Variants in CHRNA4 observed in about 807,000 individuals in gnomAD.
The protein encoded by CHRNA4 is cholinergic receptor nicotinic alpha 4 subunit, also known as neuronal acetylcholine receptor subunit alpha-4.
CHRNA4 carries 28 observed loss-of-function variants against 48.9 expected under a neutral mutation model. The ratio of observed to expected loss-of-function variants is 0.57; its 90% CI spans 0.42 to 0.79. CHRNA4 has a LOEUF of 0.79. Ranked by LOEUF, CHRNA4 falls within the 30% of genes least tolerant of loss-of-function variation. The pLI is 0.00. For missense variants in CHRNA4, 859 were observed against 898.4 expected (o/e 0.96, Z 0.56); for synonymous variants, 425 against 402.3 (o/e 1.06, Z -0.68).
In CHRNA4 at chr20:63,349,996, G is replaced by A. The variant is rs534477048; in HGVS notation, c.1415C>T (p.Ser472Phe). ...KARSLSVQHM[S>F]SPGEAVEGGV... ...GCCTTCCACCGCTTCGCCAGGGCTG[G>A]ACATGTGCTGGACGCTGAGGGACCT... Residue 472 changes from serine to phenylalanine, a missense_variant, in exon 5 of 6, where the codon TCC becomes TTC. Around this residue, in one of 3 missense-constraint regions of CHRNA4, gnomAD observed 478 missense variants for 455.4 expected, o/e 1.05. Transcript: ENST00000370263. 53 of 1,547,050 alleles carry A rather than the reference G, an allele frequency of 3.4e-5. No individual in the cohort carries two copies. In the African/African-American group the frequency reaches 7.2e-4, roughly 21 times the overall value.
At chr20:63,355,471 T>C in intron 4 of CHRNA4, 1 of 1,259,030 alleles carries the variant, frequency 7.9e-7, no homozygotes, top group Non-Finnish European at 1.0e-6. Context: ...CCTAGTGGCA[T>C]GAGAACCATC....
intron 4 of CHRNA4, 31 bp downstream of exon 4, chr20:63,355,944 G>T (rs771963046): frequency 1.2e-6 from 2 of 1,608,936 alleles, no homozygotes; most frequent in South Asian, 2.2e-5. Flanking sequence ...CCAAGGCCCT[G>T]TAGAGGACTC....
intron 4 of CHRNA4, chr20:63,355,718 G>A (rs1053405214): frequency 1.4e-5 from 12 of 831,622 alleles, no homozygotes; most frequent in Admixed American, 1.1e-4. Flanking sequence ...CGGCTCTGAC[G>A]CTCCAGTGCT....
chr20:63,356,992 C>CGACCACATTGCCATG (rs1568817439), intron 2 of CHRNA4, among the ~76,000 whole-genome samples: 3 of 143,866 alleles, frequency 2.1e-5, no homozygotes, highest in Non-Finnish European at 3.0e-5. Context: ...ACGTCCCCAC[C>CGACCACATTGCCATG]GACCACATCT....
At chr20:63,355,295 C>G (rs2068700179) in intron 4 of CHRNA4, 1 of 355,524 alleles carries the variant, frequency 2.8e-6, no homozygotes, top group African/African-American at 2.1e-5. Context: ...CGTGGCAACG[C>G]TGCCCTGGCT....
intron 4 of CHRNA4, among the ~76,000 whole-genome samples, chr20:63,353,713 G>A (rs1271502960): frequency 1.6e-5 from 1 of 61,040 alleles, no homozygotes; most frequent in African/African-American, 6.4e-5. Flanking sequence ...GGGGGGCTGC[G>A]GTCCTGGGGG....
rs781305602 is a variant in CHRNA4 at position 63,355,972 on chromosome 20, CACTT to C, written c.382_383+2del. The C allele has an allele frequency of 6.2e-7, 1 of 1,611,752 alleles. No homozygotes were observed. Among genetic ancestry groups the C allele is most frequent in the Non-Finnish European group, 8.5e-7 (1 of 1,179,538 alleles). ...GAGGACTCACTTGTTGTAGAGGACT[CACTT>C]GTTGTAGAGGACGATGTCCGGCCGC... On this transcript the variant is annotated splice_donor_variant and coding_sequence_variant, in exon 4 of 6. Coordinates refer to ENST00000370263, the MANE Select transcript of CHRNA4 (RefSeq NM_000744.7). LOFTEE classifies it high-confidence loss of function.
intron 1 of CHRNA4, chr20:63,360,280 T>C: frequency 6.1e-6 from 1 of 164,190 alleles, no homozygotes; most frequent in Non-Finnish European, 1.3e-5. Flanking sequence ...CTACGGAACC[T>C]CCCCTGGTTC....
Position 63,345,500 on chromosome 20 carries a change from C to T in CHRNA4, c.*1238G>A. On this transcript the variant is annotated 3_prime_UTR_variant, in exon 6 of 6. Coordinates refer to ENST00000370263, the MANE Select transcript of CHRNA4 (RefSeq NM_000744.7). This position sits in a 1 kb window ranked among gnomAD's most constrained non-coding sequence, Gnocchi z 5.4. The stretch of plus-strand genomic sequence containing the variant: ...CATCTTTAGGGGGTGCACTGCCGGG[C>T]TCCAGGGTCATGCCTGGAAACATTT... 2.5e-6 allele frequency: 1 copy of T among 397,620 alleles called. No individual in the cohort carries two copies. Among genetic ancestry groups the T allele is most frequent in the Non-Finnish European group, 5.2e-6 (1 of 193,420 alleles). The allele number at this position is 397,620 out of a possible 1,614,324, so 24.6% of individuals were successfully genotyped here.
Position 63,356,019 on chromosome 20 carries a change from G to A in CHRNA4, c.339C>T (p.Ile113=). Residue 113 remains isoleucine (I), a synonymous_variant, in exon 4 of 6, where the codon ATC becomes ATT. Coordinates refer to ENST00000370263, the MANE Select transcript of CHRNA4 (RefSeq NM_000744.7). The stretch of plus-strand genomic sequence containing the variant: ...CCGGCCGCCAGATGAGCTCGGAGGG[G>A]ATGCGGATGGAGGTGACATTCTCAT... ...ADYENVTSIR[I]PSELIWRPDI... 6.2e-7 allele frequency: 1 copy of A among 1,610,776 alleles called. No homozygotes were observed. Among genetic ancestry groups the A allele is most frequent in the Non-Finnish European group, 8.5e-7 (1 of 1,179,402 alleles).
In CHRNA4 at chr20:63,343,229, C is replaced by T. The variant is rs865960119; in HGVS notation, c.*3509G>A. ...ATGCAAAGCACGGCACACGTGGTGA[C>T]GGTGCGTTTTATTCATTGAAGTCTG... is the stretch of plus-strand genomic sequence containing the variant. On this transcript the variant is annotated 3_prime_UTR_variant, in exon 6 of 6. Transcript: ENST00000370263. 2.8e-5 allele frequency: 11 copies of T among 388,492 alleles called. No homozygotes were observed. The highest frequency in any genetic ancestry group is 9.2e-5 in the South Asian group (5 of 54,110). The allele number at this position is 388,492 out of a possible 1,614,324, so 24.1% of individuals were successfully genotyped here.
At chr20:63,354,926 C>T (rs549178892) in intron 4 of CHRNA4, among the ~76,000 whole-genome samples, 7 of 152,278 alleles carry the variant, frequency 4.6e-5, no homozygotes, top group East Asian at 1.9e-4. Context: ...AAGCGTCCGG[C>T]CCTCCCACTG....
At chr20:63,355,750 C>A in intron 4 of CHRNA4, 1 of 801,180 alleles carries the variant, frequency 1.2e-6, no homozygotes, top group Non-Finnish European at 2.0e-6. Context: ...ATGCCCTCAG[C>A]CTCTTTGCTG....
In CHRNA4 at chr20:63,343,286, G is replaced by A. The variant is rs1209099646; in HGVS notation, c.*3452C>T. On this transcript the variant is annotated 3_prime_UTR_variant, in exon 6 of 6. Coordinates refer to ENST00000370263, the MANE Select transcript of CHRNA4 (RefSeq NM_000744.7). Reference sequence around the variant, plus strand: ...CACTGGGAGCACATTCCAGGGCTTGGCAGACATTGCCTGCAGAAGCCGGGC... The same window carrying A: ...CACTGGGAGCACATTCCAGGGCTTGACAGACATTGCCTGCAGAAGCCGGGC... 6.8e-6 allele frequency: 3 copies of A among 444,032 alleles called. No individual in the cohort carries two copies. The highest frequency in any genetic ancestry group is 1.4e-5 in the Non-Finnish European group (3 of 219,188). The allele number at this position is 444,032 out of a possible 1,614,324, so 27.5% of individuals were successfully genotyped here.
rs2068454732 is a variant in CHRNA4, at chr20:63,344,483, T to C, written c.*2255A>G. 1 of 447,130 alleles carries C rather than the reference T, an allele frequency of 2.2e-6. No homozygotes were observed. The highest frequency in any genetic ancestry group is 4.5e-6 in the Non-Finnish European group (1 of 224,616). 27.7% of individuals were successfully genotyped at this position (447,130 alleles called of 1,614,324 possible). On this transcript the variant is annotated 3_prime_UTR_variant, in exon 6 of 6. Transcript: ENST00000370263. The surrounding 1 kb of genome is among the most constrained non-coding windows in gnomAD (Gnocchi z 4.5). ...AATATGGTGCTTTATTTGGATTTTT[T>C]TTTTGAGCCTCAAAAAAAAAAAGAA...
At chr20:63,355,407 G>T (rs2068701354) in intron 4 of CHRNA4, 4 of 811,490 alleles carry the variant, frequency 4.9e-6, no homozygotes, top group Non-Finnish European at 5.4e-6. Flanking sequence ...GTTTGCTGGG[G>T]ACCTGGCGTG....
intron 1 of CHRNA4, chr20:63,359,911 G>GTGCCGGGCGTGCGCGTGCCGGGCGTGCGC: frequency 1.9e-6 from 1 of 518,634 alleles, no homozygotes; most frequent in Non-Finnish European, 3.5e-6. Context: ...GTGTGTGTGT[G>GTGCCGGGCGTGCGCGTGCCGGGCGTGCGC]TGTGTGTGTG....
At position 63,346,203 on chromosome 20, in the gene CHRNA4, C is replaced by CACT; in HGVS notation, c.*534_*535insAGT. On this transcript the variant is annotated 3_prime_UTR_variant, in exon 6 of 6. Coordinates refer to ENST00000370263, the MANE Select transcript of CHRNA4 (RefSeq NM_000744.7). ...CCTCTCCTAGCGAAGCAGATTGGAG[C>CACT]GCTGCTGGCTCACCCTCATGGGGCC... is the stretch of plus-strand genomic sequence containing the variant. The CACT allele has an allele frequency of 2.2e-6, 1 of 454,292 alleles. No homozygotes were observed. Among genetic ancestry groups the CACT allele is most frequent in the Non-Finnish European group, 4.4e-6 (1 of 226,918 alleles). 28.1% of individuals were successfully genotyped at this position (454,292 alleles called of 1,614,324 possible). A position where few individuals can be genotyped will look rare whatever the true frequency, so the allele number is the denominator to read the frequency against.
intron 5 of CHRNA4, 66 bp downstream of exon 5, chr20:63,349,586 GA>G: frequency 3.8e-6 from 6 of 1,595,882 alleles, no homozygotes; most frequent in Non-Finnish European, 5.1e-6. Flanking sequence ...TACACACCAG[GA>G]AGAAAGGGCG....
Sources: allele counts gnomAD v4.1 joint callset (sites outside exome capture counted in the v4.1 genomes callset), GRCh38; gene constraint gnomAD v4.1.1; regional missense constraint gnomAD v4.1.1; non-coding constraint Gnocchi (gnomAD v3.1); transcripts MANE v1.5; gene names NCBI Gene and HGNC (gene_info 2026-07-23, HGNC 2026-07-21).